The following ZNF710 variants were observed in gnomAD, a reference collection of about 807,000 sequenced individuals.
The protein encoded by ZNF710 is zinc finger protein 710.
A neutral mutation model predicts 50.6 loss-of-function variants in ZNF710; 13 were observed. That is an observed-to-expected ratio of 0.26 (90% confidence interval 0.17 to 0.41). The LOEUF (loss-of-function observed/expected upper bound fraction) is 0.41. Ranked by LOEUF, ZNF710 falls within the 10% of genes least tolerant of loss-of-function variation. ZNF710 has a pLI of 1.00. For missense variants in ZNF710, 721 were observed against 936.6 expected (o/e 0.77, Z 3.01); for synonymous variants, 383 against 397.0 (o/e 0.96, Z 0.42).
At position 90,034,666 on chromosome 15, in the gene ZNF710, G is replaced by A. The variant is rs553995238; in HGVS notation, c.-28-32444G>A. ...CAGCTCTTCTCACCCCTTCTGAGAG[G>A]CCCGCCTGCTCTCCTGCTACCCTAG... On this transcript the variant is annotated intron_variant, in intron 1 of 4. Coordinates refer to ENST00000268154, the MANE Select transcript of ZNF710 (RefSeq NM_198526.4). The surrounding 1 kb of genome is among the most constrained non-coding windows in gnomAD (Gnocchi z 4.0). Among the ~76,000 whole-genome samples, 77 of 152,232 alleles carry A rather than the reference G, an allele frequency of 5.1e-4. No individual in the cohort carries two copies. The highest frequency in any genetic ancestry group is 1.7e-3 in the African/African-American group (71 of 41,534).
At chr15:90,030,421 T>C (rs1454791959) in intron 1 of ZNF710, among the ~76,000 whole-genome samples, 2 of 150,544 alleles carry the variant, frequency 1.3e-5, no homozygotes, top group Non-Finnish European at 3.0e-5. Context: ...GAGGGATGGG[T>C]TTCAAGGCCG....
intron 1 of ZNF710, among the ~76,000 whole-genome samples, chr15:90,032,488 G>A (rs552059042): frequency 6.6e-6 from 1 of 152,250 alleles, no homozygotes; most frequent in African/African-American, 2.4e-5. Flanking sequence ...TTAAGAATGT[G>A]TGTTTGGGGC....
At chr15:90,036,257 T>C (rs896551090) in intron 1 of ZNF710, among the ~76,000 whole-genome samples, 2 of 112,436 alleles carry the variant, frequency 1.8e-5, no homozygotes, top group African/African-American at 6.9e-5. Flanking sequence ...TCCGCCTCTG[T>C]TTCTCTCTCC....
chr15:90,016,271 C>T (rs1898453751), intron 1 of ZNF710, among the ~76,000 whole-genome samples: 1 of 152,106 alleles, frequency 6.6e-6, no homozygotes, highest in African/African-American at 2.4e-5. Flanking sequence ...TAATACTCTC[C>T]AGAAACTGGT....
chr15:90,030,943 C>T (rs866240717), intron 1 of ZNF710, among the ~76,000 whole-genome samples: 3 of 140,752 alleles, frequency 2.1e-5, no homozygotes, highest in East Asian at 4.0e-4. Context: ...GGCGTGAACC[C>T]GGGAGGCGGA....
Position 90,067,892 on chromosome 15 carries a change from G to A in ZNF710, c.755G>A (p.Ser252Asn). 1 of 1,612,374 alleles carries A rather than the reference G, an allele frequency of 6.2e-7. No homozygotes were observed. The change falls in exon 2 of 5, where the codon AGT becomes AAT. Residue 252 changes from serine to asparagine, a missense_variant. By Grantham distance (46) the Ser-to-Asn change is conservative. Around this residue, in one of 3 missense-constraint regions of ZNF710, gnomAD observed 326 missense variants for 522.0 expected, o/e 0.62. Coordinates refer to ENST00000268154, the MANE Select transcript of ZNF710 (RefSeq NM_198526.4). This position sits in a 1 kb window ranked among gnomAD's most constrained non-coding sequence, Gnocchi z 8.1. Reference sequence around the variant, plus strand: ...CAGGGCTTCGTGTGGCAGGAGGCCAGTGAGTTCGAGGCTGACACGGCGGGT... The same window carrying A: ...CAGGGCTTCGTGTGGCAGGAGGCCAATGAGTTCGAGGCTGACACGGCGGGT... Reference protein sequence around the residue: ...PEQGFVWQEASEFEADTAGST... With the variant: ...PEQGFVWQEANEFEADTAGST...
intron 1 of ZNF710, among the ~76,000 whole-genome samples, chr15:90,010,514 T>G (rs961093597): frequency 6.6e-6 from 1 of 152,152 alleles, no homozygotes. Flanking sequence ...CAGGCTGGTC[T>G]TGAACCCTGA....
Position 90,009,704 on chromosome 15 carries a change from C to T in ZNF710, c.-29+8090C>T, listed in dbSNP as rs1017954034. On this transcript the variant is annotated intron_variant, in intron 1 of 4. Coordinates refer to ENST00000268154, the MANE Select transcript of ZNF710 (RefSeq NM_198526.4). Reference sequence around the variant, plus strand: ...CTACAGTCACACCTCTCTCTCCCTCCCCAACCCCAACCTGTGTCACTTCTC... The same window carrying T: ...CTACAGTCACACCTCTCTCTCCCTCTCCAACCCCAACCTGTGTCACTTCTC... Among the ~76,000 whole-genome samples, 4 of 152,054 alleles carry T rather than the reference C, an allele frequency of 2.6e-5. No individual in the cohort carries two copies. The South Asian group carries it at 8.3e-4, about 31-fold the overall frequency.
At position 90,067,177 on chromosome 15, in the gene ZNF710, G is replaced by A. The variant is rs1900195261; in HGVS notation, c.40G>A (p.Val14Met). 1.9e-6 allele frequency: 3 copies of A among 1,612,190 alleles called. No individual in the cohort carries two copies. The highest frequency in any genetic ancestry group is 2.2e-5 in the East Asian group (1 of 44,834). ...GGACTCAGGGACACAGACGGACGCC[G>A]TGGTGGTGCTGTCCTTGGCTCAGGC... ...FMDSGTQTDA[V>M]VVLSLAQAAV... The change falls in exon 2 of 5, where the codon GTG (valine) becomes ATG (methionine). Residue 14 changes from valine (V) to methionine (M), a missense_variant. Around this residue, in one of 3 missense-constraint regions of ZNF710, gnomAD observed 326 missense variants for 347.1 expected, o/e 0.94. Coordinates refer to ENST00000268154, the MANE Select transcript of ZNF710 (RefSeq NM_198526.4). The surrounding 1 kb of genome is among the most constrained non-coding windows in gnomAD (Gnocchi z 8.1).
Position 90,073,279 on chromosome 15 carries a change from C to A in ZNF710, c.1650+17C>A. The A allele has an allele frequency of 6.2e-7, 1 of 1,607,016 alleles. No individual in the cohort carries two copies. Among genetic ancestry groups the A allele is most frequent in the Non-Finnish European group, 8.5e-7 (1 of 1,174,516 alleles). On this transcript the variant is annotated intron_variant, in intron 3 of 4. Coordinates refer to ENST00000268154, the MANE Select transcript of ZNF710 (RefSeq NM_198526.4). ...AAATGCAAGGTACCCGGTCATCAGG[C>A]CCCGGGGCTGGGACCTCCCCGAGGG...
chr15:90,068,731 T>C lies in ZNF710; in HGVS notation c.1458+136T>C. The stretch of plus-strand genomic sequence containing the variant: ...GTTACGTACTTATTTTGATGAGTAT[T>C]AGAAATCAATTAGTATTAGAAACTA... On this transcript the variant is annotated intron_variant, in intron 2 of 4. Transcript: ENST00000268154. The surrounding 1 kb of genome is among the most constrained non-coding windows in gnomAD (Gnocchi z 5.0). 1 of 997,098 alleles carries C rather than the reference T, an allele frequency of 1.0e-6. No homozygotes were observed. The highest frequency in any genetic ancestry group is 1.4e-6 in the Non-Finnish European group (1 of 690,930). The allele number at this position is 997,098 out of a possible 1,614,324, so 61.8% of individuals were successfully genotyped here. A position where few individuals can be genotyped will look rare whatever the true frequency, so the allele number is the denominator to read the frequency against.
rs1340110706 is a variant in ZNF710 at position 90,080,417 on chromosome 15, G to C, written c.*588G>C. 6.5e-6 allele frequency: 1 copy of C among 152,930 alleles called. No homozygotes were observed. Among genetic ancestry groups the C allele is most frequent in the Non-Finnish European group, 1.5e-5 (1 of 68,278 alleles). The allele number at this position is 152,930 out of a possible 1,614,324, so 9.5% of individuals were successfully genotyped here. On this transcript the variant is annotated 3_prime_UTR_variant, in exon 5 of 5. Transcript: ENST00000268154. ...AGGTGTGCACGTGGCCCTGGCCCTG[G>C]CCTGCAGGACAGCTGGGGGGCACCC...
chr15:90,072,419 C>T (rs1459907860), intron 2 of ZNF710, among the ~76,000 whole-genome samples: 1 of 152,106 alleles, frequency 6.6e-6, no homozygotes, highest in Admixed American at 6.6e-5. Context: ...GCTGTTATCA[C>T]CAGGGAAATT....
intron 1 of ZNF710, among the ~76,000 whole-genome samples, chr15:90,053,528 T>G (rs1413207358): frequency 6.6e-6 from 1 of 151,978 alleles, no homozygotes; most frequent in Non-Finnish European, 1.5e-5. Flanking sequence ...TTTGTAGAAA[T>G]GGGGTTTCAC....
upstream of ZNF710, among the ~76,000 whole-genome samples, chr15:89,999,102 T>C (rs1410201904): frequency 6.6e-6 from 1 of 152,222 alleles, no homozygotes; most frequent in African/African-American, 2.4e-5. Flanking sequence ...CCTGGGGCCT[T>C]TGGACAGACT....
intron 2 of ZNF710, among the ~76,000 whole-genome samples, chr15:90,072,449 A>G (rs1900420881): frequency 6.6e-6 from 1 of 152,162 alleles, no homozygotes; most frequent in African/African-American, 2.4e-5. Flanking sequence ...CTTTCAAGAG[A>G]TGAGTGGATA....
intron 1 of ZNF710, among the ~76,000 whole-genome samples, chr15:90,015,785 AT>A (rs2151468697): frequency 6.6e-6 from 1 of 152,036 alleles, no homozygotes; most frequent in East Asian, 1.9e-4. Flanking sequence ...TAATTTTTAA[AT>A]TTTTTGTAGA....
At chr15:90,078,901 C>G (rs551506161) in intron 4 of ZNF710, among the ~76,000 whole-genome samples, 1 of 152,360 alleles carries the variant, frequency 6.6e-6, no homozygotes, top group East Asian at 1.9e-4. Flanking sequence ...AGATCCTACC[C>G]TGGGCTTCCC....
At chr15:90,020,382 C>T (rs961315652) in intron 1 of ZNF710, among the ~76,000 whole-genome samples, 3 of 152,218 alleles carry the variant, frequency 2.0e-5, no homozygotes, top group Admixed American at 6.5e-5. Context: ...TGCACCCTTC[C>T]GTCCAGGCAG....
Sources: allele counts gnomAD v4.1 joint callset (sites outside exome capture counted in the v4.1 genomes callset), GRCh38; gene constraint gnomAD v4.1.1; regional missense constraint gnomAD v4.1.1; non-coding constraint Gnocchi (gnomAD v3.1); transcripts MANE v1.5; gene names NCBI Gene and HGNC (gene_info 2026-07-23, HGNC 2026-07-21).